Variants in RHBDD3 observed in about 807,000 individuals in gnomAD.
The protein encoded by RHBDD3 is rhomboid domain containing 3.
In RHBDD3, 34 loss-of-function variants were observed where a neutral mutation model predicts 32.3. The ratio of observed to expected loss-of-function variants is 1.05; its 90% confidence interval spans 0.80 to 1.40. The LOEUF (loss-of-function observed/expected upper bound fraction) is 1.40, where lower values mean the gene tolerates loss of function less well. Ranked by LOEUF, RHBDD3 falls within the 40% of genes most tolerant of loss-of-function variation. RHBDD3 has a pLI of 0.00. For synonymous variants in RHBDD3, 249 were observed against 239.1 expected, an observed-to-expected ratio of 1.04 and a Z score of -0.38; for missense variants, 482 against 492.6, an observed-to-expected ratio of 0.98 and a Z score of 0.20.
chr22:29,260,080 C>T lies in RHBDD3; in HGVS notation c.1141G>A (p.Glu381Lys), dbSNP rs768193317. The T allele has an allele frequency of 1.1e-5, 18 of 1,568,384 alleles. No homozygotes were observed. The highest frequency in any genetic ancestry group is 6.8e-5 in the African/African-American group (5 of 73,782). The change falls in exon 7 of 7, where the codon GAG becomes AAG. Residue 381 changes from glutamate (E) to lysine (K), a missense_variant. By Grantham distance (56) the Glu-to-Lys change is moderately conservative. Coordinates refer to ENST00000216085, the MANE Select transcript of RHBDD3 (RefSeq NM_012265.3). Reference protein sequence around the residue: ...THGKGGPAHSEGPGPP With the variant: ...THGKGGPAHSKGPGPP ...CTGGGCTAGGGAGGCCCAGGACCCT[C>T]GGAGTGGGCAGGCCCACCCTTTCCA... is the stretch of plus-strand genomic sequence containing the variant.
intron 3 of RHBDD3, chr22:29,264,527 T>C: frequency 8.7e-7 from 1 of 1,153,098 alleles, no homozygotes; most frequent in Non-Finnish European, 1.1e-6. Context: ...TCTGCTTCTG[T>C]ATTTACTAAA....
In RHBDD3 at chr22:29,260,459, G is replaced by A; in HGVS notation, c.850C>T (p.Pro284Ser). 1.2e-6 allele frequency: 2 copies of A among 1,609,996 alleles called. No individual in the cohort carries two copies. Among genetic ancestry groups the A allele is most frequent in the Middle Eastern group, 1.7e-4 (1 of 5,930 alleles). Residue 284 changes from proline (P) to serine (S), a missense_variant, in exon 6 of 7, where the codon CCA becomes TCA. Coordinates refer to ENST00000216085, the MANE Select transcript of RHBDD3 (RefSeq NM_012265.3). The part of the protein sequence containing the change: ...GLDWAGASFS[P>S]GTPMWAALDE... ...AAGGCCGCCCACATCGGAGTCCCTG[G>A]GGAGAAGCTGGCCCCAGCCCAGTCC...
chr22:29,263,945 C>G lies in RHBDD3; in HGVS notation c.422G>C (p.Gly141Ala). The change falls in exon 4 of 7, where the codon GGG becomes GCG. Residue 141 changes from glycine (G) to alanine (A), a missense_variant. By Grantham distance (60) the Gly-to-Ala change is moderately conservative. Transcript: ENST00000216085. ...CGGCGACAGCCACGGTGGCAGTGCCCCACGGGGCCGTCTAGGGCGGTGTCC... is the reference window on the plus strand; with the variant it reads ...CGGCGACAGCCACGGTGGCAGTGCCGCACGGGGCCGTCTAGGGCGGTGTCC... Reference protein sequence around the residue: ...GEGHRPRRPRGALPPWLSPWL... With the variant: ...GEGHRPRRPRAALPPWLSPWL... The G allele has an allele frequency of 6.5e-7, 1 of 1,550,240 alleles. No individual in the cohort carries two copies. The highest frequency in any genetic ancestry group is 8.7e-7 in the Non-Finnish European group (1 of 1,147,128).
Position 29,265,673 on chromosome 22 carries a change from G to A in RHBDD3, c.-42-5C>T. 5.2e-6 allele frequency: 8 copies of A among 1,533,468 alleles called. No individual in the cohort carries two copies. Among genetic ancestry groups the A allele is most frequent in the South Asian group, 2.6e-5 (2 of 77,918 alleles). The allele number at this position is 1,533,468 out of a possible 1,614,324, so 95.0% of individuals were successfully genotyped here. Reference sequence around the variant, plus strand: ...GGGTGGTCCTGGGGCTGTGTGCTGGGGATAAAAGAAAACAATAACAAGTTA... The same window carrying A: ...GGGTGGTCCTGGGGCTGTGTGCTGGAGATAAAAGAAAACAATAACAAGTTA... On this transcript the variant is annotated splice_polypyrimidine_tract_variant and splice_region_variant and intron_variant, in intron 2 of 6. Coordinates refer to ENST00000216085, the MANE Select transcript of RHBDD3 (RefSeq NM_012265.3).
intron 5 of RHBDD3, 27 bp downstream of exon 5, chr22:29,260,675 G>A (rs1229568228): frequency 1.3e-6 from 2 of 1,552,704 alleles, no homozygotes; most frequent in African/African-American, 1.4e-5. Flanking sequence ...CCACCACCTG[G>A]ACTGGCATCC....
chr22:29,264,455 C>T, intron 3 of RHBDD3: 18 of 1,308,230 alleles, frequency 1.4e-5, no homozygotes, highest in Non-Finnish European at 1.7e-5. Context: ...ACGTGCCACT[C>T]AGTCTTTTCA....
chr22:29,259,940 C>G lies in RHBDD3; in HGVS notation c.*120G>C. Reference sequence around the variant, plus strand: ...GCATGCTGGGGGGCCTCTCCTGCCTCCAGAGGTGCCCCTGCTCCCCACTGT... The same window carrying G: ...GCATGCTGGGGGGCCTCTCCTGCCTGCAGAGGTGCCCCTGCTCCCCACTGT... On this transcript the variant is annotated 3_prime_UTR_variant, in exon 7 of 7. Transcript: ENST00000216085. 1 of 1,044,284 alleles carries G rather than the reference C, an allele frequency of 9.6e-7. No individual in the cohort carries two copies. Among genetic ancestry groups the G allele is most frequent in the Non-Finnish European group, 1.4e-6 (1 of 735,940 alleles). 64.7% of individuals were successfully genotyped at this position (1,044,284 alleles called of 1,614,324 possible). A position where few individuals can be genotyped will look rare whatever the true frequency, so the allele number is the denominator to read the frequency against.
chr22:29,262,460 G>C (rs2058131025), intron 4 of RHBDD3, among the ~76,000 whole-genome samples: 1 of 152,086 alleles, frequency 6.6e-6, no homozygotes, highest in Non-Finnish European at 1.5e-5. Context: ...TTTAAGTTTT[G>C]AAATTGAAAA....
intron 4 of RHBDD3, among the ~76,000 whole-genome samples, chr22:29,261,649 C>T (rs780364782): frequency 2.0e-5 from 3 of 152,006 alleles, no homozygotes; most frequent in South Asian, 2.1e-4. Context: ...TGCTCTAGCA[C>T]GACTTATTTA....
intron 3 of RHBDD3, 195 bp downstream of exon 3, chr22:29,265,284 A>C (rs2058163300): frequency 4.1e-5 from 19 of 467,716 alleles, no homozygotes; most frequent in Non-Finnish European, 6.8e-5. Context: ...GTTCCAGCCC[A>C]CCCTAGGGAG....
At chr22:29,260,974 C>T (rs144604898) in intron 4 of RHBDD3, 110 bp from the exon 5 acceptor site, 37 of 1,088,590 alleles carry the variant, frequency 3.4e-5, no homozygotes, top group Middle Eastern at 3.1e-4. Flanking sequence ...CATTCCCTCC[C>T]GTCTCCTCAC....
intron 4 of RHBDD3, among the ~76,000 whole-genome samples, chr22:29,263,083 C>T (rs1569020003): frequency 6.6e-6 from 1 of 152,062 alleles, no homozygotes; most frequent in South Asian, 2.1e-4. Context: ...CTTGCCCTGT[C>T]GCCCAGGCTG....
rs531605453 is a variant in RHBDD3 at position 29,263,899 on chromosome 22, G to C, written c.468C>G (p.Thr156=). Reference sequence around the variant, plus strand: ...AGGGTGGCTCAGAGCTGAGCAGTGGGGTCAGGGCAAGCAGCAGCCACGGCG... The same window carrying C: ...AGGGTGGCTCAGAGCTGAGCAGTGGCGTCAGGGCAAGCAGCAGCCACGGCG... ...WLSPWLLLAL[T]PLLSSEPPFL... is the part of the protein sequence containing the mutation. The change falls in exon 4 of 7, where the codon ACC becomes ACG. Residue 156 remains threonine, a synonymous_variant. Coordinates refer to ENST00000216085, the MANE Select transcript of RHBDD3 (RefSeq NM_012265.3). The C allele has an allele frequency of 1.7e-5, 26 of 1,549,258 alleles. No individual in the cohort carries two copies. The African/African-American group carries it at 3.4e-4, about 20-fold the overall frequency.
intron 4 of RHBDD3, among the ~76,000 whole-genome samples, chr22:29,262,317 T>G (rs1189332663): frequency 2.0e-5 from 3 of 151,772 alleles, no homozygotes; most frequent in Non-Finnish European, 2.9e-5. Flanking sequence ...TTTTGTATTT[T>G]TAGTAGAGAT....
In RHBDD3 at chr22:29,260,043, C is replaced by G; in HGVS notation, c.*17G>C. ...TTAGCACCCAAGGGCCTGCCTGTGC[C>G]CCACTCTCTGCCTGGGCTAGGGAGG... On this transcript the variant is annotated 3_prime_UTR_variant, in exon 7 of 7. Transcript: ENST00000216085. 6.4e-7 allele frequency: 1 copy of G among 1,552,296 alleles called. No homozygotes were observed. The highest frequency in any genetic ancestry group is 8.7e-7 in the Non-Finnish European group (1 of 1,148,300).
At chr22:29,263,211 A>G (rs371703686) in intron 4 of RHBDD3, among the ~76,000 whole-genome samples, 16 of 152,324 alleles carry the variant, frequency 1.1e-4, no homozygotes, top group African/African-American at 3.8e-4. Flanking sequence ...CGCCCAGCTA[A>G]TTTTTGTATT....
At chr22:29,261,256 G>A (rs1266197557) in intron 4 of RHBDD3, 3 of 492,190 alleles carry the variant, frequency 6.1e-6, no homozygotes, top group African/African-American at 5.9e-5. Context: ...AGAGTGCAGA[G>A]GCCAGCCTGT....
upstream of RHBDD3, chr22:29,268,125 G>A (rs2058273866): frequency 3.2e-6 from 2 of 632,322 alleles, no homozygotes; most frequent in African/African-American, 1.8e-5. Flanking sequence ...TTTGGCCCGA[G>A]TGTCACGTCG....
chr22:29,264,588 C>G, intron 3 of RHBDD3: 13 of 909,368 alleles, frequency 1.4e-5, no homozygotes, highest in Non-Finnish European at 1.6e-5. Context: ...TGGAGCTACC[C>G]CATTCCCTCA....
Sources: gnomAD v4.1 joint callset for allele counts (sites outside exome capture counted in the v4.1 genomes callset) on GRCh38, gnomAD v4.1.1 for gene constraint, MANE v1.5 for transcripts, NCBI Gene and HGNC (gene_info 2026-07-23, HGNC 2026-07-21) for gene names.